CCBE1: variants seen among roughly 807,000 people sequenced by gnomAD.
CCBE1 encodes the protein collagen and calcium binding EGF domains 1.
A neutral mutation model predicts 50.0 loss-of-function variants in CCBE1; 37 were observed. The observed-to-expected ratio is 0.74, with a 90% CI of 0.57 to 0.97. The LOEUF is 0.97. Ranked by LOEUF, CCBE1 falls within the 50% of genes least tolerant of loss-of-function variation. The pLI is 0.00. For synonymous variants in CCBE1, 234 were observed against 203.7 expected (o/e 1.15, Z -1.27); for missense variants, 538 against 523.8 (o/e 1.03, Z -0.26).
intron 2 of CCBE1, among the ~76,000 whole-genome samples, chr18:59,484,533 C>G (rs1025915711): frequency 4.6e-5 from 7 of 152,218 alleles, no homozygotes; most frequent in African/African-American, 1.7e-4. Context: ...TTAGGACTGT[C>G]CACGCAGTGG....
chr18:59,648,946 T>A (rs2054091281), intron 2 of CCBE1, among the ~76,000 whole-genome samples: 1 of 152,208 alleles, frequency 6.6e-6, no homozygotes, highest in African/African-American at 2.4e-5. Flanking sequence ...TACTAATTGG[T>A]GTCATCAGCT....
chr18:59,599,189 AT>A (rs1255588810), intron 2 of CCBE1, among the ~76,000 whole-genome samples: 1 of 152,246 alleles, frequency 6.6e-6, no homozygotes, highest in Non-Finnish European at 1.5e-5. Context: ...AAGGAAGAAG[AT>A]GGGAAAAGAG....
chr18:59,608,846 C>A lies in CCBE1; in HGVS notation c.212+87783G>T, dbSNP rs560451372. On this transcript the variant is annotated intron_variant, in intron 2 of 10. Coordinates refer to ENST00000439986, the MANE Select transcript of CCBE1 (RefSeq NM_133459.4). ...TTAGATCCTTGCTGCCCATCTGTTTCTATTGGGCCTGTCCAAATCTCTTGA... is the reference window on the plus strand; with the variant it reads ...TTAGATCCTTGCTGCCCATCTGTTTATATTGGGCCTGTCCAAATCTCTTGA... Among the ~76,000 whole-genome samples, 44 of 152,310 alleles carry A rather than the reference C, an allele frequency of 2.9e-4. No homozygotes were observed. The South Asian group carries it at 9.1e-3, about 32-fold the overall frequency.
At chr18:59,482,612 T>C (rs1172926405) in intron 2 of CCBE1, among the ~76,000 whole-genome samples, 1 of 152,202 alleles carries the variant, frequency 6.6e-6, no homozygotes, top group African/African-American at 2.4e-5. Flanking sequence ...GCAATAAATA[T>C]GACAACTGTA....
At chr18:59,498,015 C>A (rs1383436698) in intron 2 of CCBE1, among the ~76,000 whole-genome samples, 1 of 152,136 alleles carries the variant, frequency 6.6e-6, no homozygotes, top group South Asian at 2.1e-4. Context: ...GCCAACAATG[C>A]GAGTGAGAAG....
intron 2 of CCBE1, among the ~76,000 whole-genome samples, chr18:59,484,328 C>G (rs1017609042): frequency 1.3e-5 from 2 of 152,190 alleles, no homozygotes; most frequent in East Asian, 1.9e-4. Context: ...TTTTGATACT[C>G]AAATCGAACA....
intron 2 of CCBE1, among the ~76,000 whole-genome samples, chr18:59,523,292 C>A (rs1914684520): frequency 6.6e-6 from 1 of 151,114 alleles, no homozygotes; most frequent in South Asian, 2.1e-4. Flanking sequence ...GGGCAGAGCC[C>A]AGTGGTGGGC....
chr18:59,496,213 A>G (rs2143822069), intron 2 of CCBE1, among the ~76,000 whole-genome samples: 1 of 152,292 alleles, frequency 6.6e-6, no homozygotes, highest in East Asian at 1.9e-4. Flanking sequence ...GGCTATACAG[A>G]TGTCTACCAT....
At chr18:59,498,394 T>C (rs916829263) in intron 2 of CCBE1, among the ~76,000 whole-genome samples, 1 of 152,228 alleles carries the variant, frequency 6.6e-6, no homozygotes, top group Non-Finnish European at 1.5e-5. Flanking sequence ...AATTTCTGTT[T>C]CGCAGACAGA....
intron 2 of CCBE1, among the ~76,000 whole-genome samples, chr18:59,561,077 T>C (rs1164368128): frequency 1.3e-5 from 2 of 152,184 alleles, no homozygotes; most frequent in Admixed American, 6.5e-5. Flanking sequence ...ACTGACACCA[T>C]ATGGTTTAAA....
At chr18:59,697,476 G>C (rs545520253), upstream of CCBE1, 37 of 1,144,854 alleles carry the variant, frequency 3.2e-5, no homozygotes, top group Non-Finnish European at 3.8e-5. Context: ...CCACCTGCAC[G>C]GGGAGCAGGG....
chr18:59,444,620 G>A (rs916208235), intron 7 of CCBE1, among the ~76,000 whole-genome samples: 3 of 151,680 alleles, frequency 2.0e-5, no homozygotes, highest in Non-Finnish European at 4.4e-5. Context: ...GGGCTTAAGC[G>A]ATCTTCTACC....
chr18:59,632,109 A>G (rs2053856674), intron 2 of CCBE1, among the ~76,000 whole-genome samples: 1 of 152,190 alleles, frequency 6.6e-6, no homozygotes, highest in Non-Finnish European at 1.5e-5. Context: ...TCTAGGCAGA[A>G]AGGGCTGTAG....
At chr18:59,516,818 G>A (rs1245835392) in intron 2 of CCBE1, among the ~76,000 whole-genome samples, 1 of 152,160 alleles carries the variant, frequency 6.6e-6, no homozygotes, top group Non-Finnish European at 1.5e-5. Context: ...ACAACACACA[G>A]GTGAGTGTCT....
chr18:59,661,682 T>C (rs551449986), intron 2 of CCBE1, among the ~76,000 whole-genome samples: 1 of 152,326 alleles, frequency 6.6e-6, no homozygotes, highest in African/African-American at 2.4e-5. Flanking sequence ...TAATAGATTC[T>C]GTTGGCCCGG....
At chr18:59,476,553 A>G (rs1912315876) in intron 3 of CCBE1, among the ~76,000 whole-genome samples, 1 of 152,250 alleles carries the variant, frequency 6.6e-6, no homozygotes, top group African/African-American at 2.4e-5. Flanking sequence ...AAAAGAAGTC[A>G]CACATAATAC....
At chr18:59,558,412 A>G (rs2052684309) in intron 2 of CCBE1, among the ~76,000 whole-genome samples, 1 of 152,246 alleles carries the variant, frequency 6.6e-6, no homozygotes, top group African/African-American at 2.4e-5. Context: ...GTAAAGTACC[A>G]TAAGGTACAT....
chr18:59,447,730 C>A (rs1336315003), intron 7 of CCBE1, among the ~76,000 whole-genome samples: 1 of 152,122 alleles, frequency 6.6e-6, no homozygotes, highest in East Asian at 1.9e-4. Flanking sequence ...TTAAAATGAT[C>A]TTTAGGAATC....
At chr18:59,676,646 A>C (rs560344361) in intron 2 of CCBE1, among the ~76,000 whole-genome samples, 3 of 152,338 alleles carry the variant, frequency 2.0e-5, no homozygotes, top group African/African-American at 7.2e-5. Flanking sequence ...AAAATGAGAC[A>C]GATCAGCCCC....
Sources: gnomAD v4.1 joint callset for allele counts (sites outside exome capture counted in the v4.1 genomes callset) on GRCh38, gnomAD v4.1.1 for gene constraint, MANE v1.5 for transcripts, NCBI Gene and HGNC (gene_info 2026-07-23, HGNC 2026-07-21) for gene names.